IAPP: variants seen among roughly 807,000 people sequenced by gnomAD.
IAPP encodes the protein Islet amyloid polypeptide (diabetes-associated peptide; amylin).
In IAPP, 4 loss-of-function variants were observed where a neutral mutation model predicts 2.9. The ratio of observed to expected loss-of-function variants is 1.39; its 90% CI spans 0.69 to 3.19. The LOEUF is 3.19. Ranked by LOEUF, IAPP falls within the 30% of genes most tolerant of loss-of-function variation. The pLI, the probability that IAPP is intolerant of heterozygous loss-of-function variation, is 0.01. For missense variants in IAPP, 114 were observed against 105.3 expected (o/e 1.08, Z -0.36); for synonymous variants, 40 against 42.1 (o/e 0.95, Z 0.19).
intron 1 of IAPP, 64 bp downstream of exon 1, chr12:21,373,068 ATTCATGGT>A: frequency 2.2e-5 from 9 of 405,990 alleles, no homozygotes; most frequent in Non-Finnish European, 3.5e-5. Context: ...TTGGTGTTAA[ATTCATGGT>A]TTATTTCAAA....
intron 1 of IAPP, among the ~76,000 whole-genome samples, chr12:21,367,323 C>T (rs1939463865): frequency 1.3e-5 from 2 of 152,116 alleles, no homozygotes; most frequent in Admixed American, 1.3e-4. Flanking sequence ...ATCAAGAAAA[C>T]TAGAACAGTA....
At chr12:21,370,138 T>G (rs1939672735), upstream of IAPP, among the ~76,000 whole-genome samples, 1 of 152,166 alleles carries the variant, frequency 6.6e-6, no homozygotes, top group African/African-American at 2.4e-5. Context: ...AATTTGTCTT[T>G]CATTCTGCTC....
upstream of IAPP, among the ~76,000 whole-genome samples, chr12:21,369,917 A>G (rs1342794891): frequency 6.6e-6 from 1 of 152,244 alleles, no homozygotes; most frequent in Non-Finnish European, 1.5e-5. Flanking sequence ...GGGAGCATGT[A>G]AACTCTGAAG....
At chr12:21,375,339 T>G (rs1010357824) in intron 2 of IAPP, among the ~76,000 whole-genome samples, 1 of 152,312 alleles carries the variant, frequency 6.6e-6, no homozygotes, top group African/African-American at 2.4e-5. Flanking sequence ...GTATGATTTG[T>G]CATGCTGAGA....
chr12:21,377,810 T>C (rs1940312218), intron 2 of IAPP, among the ~76,000 whole-genome samples: 1 of 152,234 alleles, frequency 6.6e-6, no homozygotes. Context: ...TAATGCTGCT[T>C]TATTCTTATT....
intron 1 of IAPP, among the ~76,000 whole-genome samples, chr12:21,364,576 G>C (rs1213372490): frequency 6.6e-6 from 1 of 152,074 alleles, no homozygotes; most frequent in Non-Finnish European, 1.5e-5. Flanking sequence ...AGAAATAAAG[G>C]GTATTCAATT....
intron 1 of IAPP, among the ~76,000 whole-genome samples, chr12:21,361,866 A>T (rs1405719682): frequency 1.3e-5 from 2 of 152,162 alleles, no homozygotes; most frequent in African/African-American, 4.8e-5. Context: ...AAAGAAATGA[A>T]CAAAGCCTCC....
At chr12:21,370,574 G>T (rs1390696214), upstream of IAPP, among the ~76,000 whole-genome samples, 1 of 149,016 alleles carries the variant, frequency 6.7e-6, no homozygotes, top group Non-Finnish European at 1.5e-5. Flanking sequence ...GTGAGAACGT[G>T]CAGTGTTTCG....
chr12:21,363,211 C>A (rs1939076814), intron 1 of IAPP, among the ~76,000 whole-genome samples: 1 of 152,150 alleles, frequency 6.6e-6, no homozygotes, highest in African/African-American at 2.4e-5. Context: ...GACCACAGTG[C>A]AATCAAACTA....
intron 1 of IAPP, among the ~76,000 whole-genome samples, chr12:21,361,866 A>G (rs1405719682): frequency 6.6e-6 from 1 of 152,280 alleles, no homozygotes; most frequent in African/African-American, 2.4e-5. Flanking sequence ...AAAGAAATGA[A>G]CAAAGCCTCC....
intron 2 of IAPP, among the ~76,000 whole-genome samples, chr12:21,376,171 C>T (rs987044739): frequency 6.6e-6 from 1 of 152,000 alleles, no homozygotes; most frequent in African/African-American, 2.4e-5. Context: ...TATTATTGAC[C>T]TTCCAACCAA....
At chr12:21,362,652 C>G (rs977889589) in intron 1 of IAPP, among the ~76,000 whole-genome samples, 1 of 152,032 alleles carries the variant, frequency 6.6e-6, no homozygotes, top group Admixed American at 6.6e-5. Flanking sequence ...ATTCAGGAGA[C>G]CCATCTCACA....
chr12:21,362,156 T>A (rs1938954828), intron 1 of IAPP, among the ~76,000 whole-genome samples: 1 of 152,076 alleles, frequency 6.6e-6, no homozygotes, highest in Non-Finnish European at 1.5e-5. Flanking sequence ...AAAGGTCAGG[T>A]TACCCACAAA....
At chr12:21,359,798 CAAGAG>C (rs1938680344) in intron 1 of IAPP, among the ~76,000 whole-genome samples, 1 of 150,750 alleles carries the variant, frequency 6.6e-6, no homozygotes, top group African/African-American at 2.4e-5. Context: ...CATACTTAAA[CAAGAG>C]AAAAGAAGAA....
chr12:21,367,761 G>A (rs1166805368), intron 1 of IAPP, among the ~76,000 whole-genome samples: 1 of 151,640 alleles, frequency 6.6e-6, no homozygotes, highest in Non-Finnish European at 1.5e-5. Flanking sequence ...GACATAGAAG[G>A]CAACTGGAAG....
At chr12:21,357,424 A>G (rs1938459481) in intron 1 of IAPP, among the ~76,000 whole-genome samples, 1 of 152,206 alleles carries the variant, frequency 6.6e-6, no homozygotes, top group African/African-American at 2.4e-5. Context: ...CTCAGATAGA[A>G]CCAACCCTGC....
At position 21,357,407 on chromosome 12, in the gene IAPP, A is replaced by G. The variant is rs553037023; in HGVS notation, c.-16+2394A>G. ...TACCAGAAGCTAGAAAGAGGCATGG[A>G]ACAGCCCTCAGATAGAACCAACCCT... On this transcript the variant is annotated intron_variant, in intron 1 of 2. Transcript: ENST00000539393. 1.3e-5 allele frequency among the ~76,000 whole-genome samples: 2 copies of G among 152,322 alleles called. 1 individual carries two copies. Among genetic ancestry groups the G allele is most frequent in the African/African-American group, 4.8e-5 (2 of 41,566 alleles).
chr12:21,359,740 C>T (rs1938671933), intron 1 of IAPP, among the ~76,000 whole-genome samples: 1 of 137,004 alleles, frequency 7.3e-6, no homozygotes, highest in South Asian at 2.5e-4. Flanking sequence ...GAGCGAGACT[C>T]CGTCTTAAAA....
intron 1 of IAPP, among the ~76,000 whole-genome samples, chr12:21,363,885 T>G (rs1939149341): frequency 6.6e-6 from 1 of 152,168 alleles, no homozygotes. Context: ...TAACAGGTTC[T>G]GAAATTGAGG....
Sources: allele counts gnomAD v4.1 joint callset (sites outside exome capture counted in the v4.1 genomes callset), GRCh38; gene constraint gnomAD v4.1.1; transcripts MANE v1.5; gene names NCBI Gene and HGNC (gene_info 2026-07-23, HGNC 2026-07-21).